ZNF618: variants seen among roughly 807,000 people sequenced by gnomAD.
ZNF618 encodes zinc finger protein 618.
Under a neutral mutation model 103.0 loss-of-function variants are expected in ZNF618, and 34 were observed. The observed-to-expected ratio is 0.33, with a 90% CI of 0.25 to 0.44. The LOEUF (loss-of-function observed/expected upper bound fraction) is 0.44. Ranked by LOEUF, ZNF618 falls within the 20% of genes least tolerant of loss-of-function variation. ZNF618 has a pLI of 1.00. For synonymous variants in ZNF618, 551 were observed against 542.2 expected (o/e 1.02, Z -0.23); for missense variants, 1,059 against 1,295.4 (o/e 0.82, Z 2.80).
chr9:113,982,925 C>T (rs1425789368), intron 2 of ZNF618, among the ~76,000 whole-genome samples: 1 of 152,164 alleles, frequency 6.6e-6, no homozygotes, highest in African/African-American at 2.4e-5. Context: ...AACCGGTGAC[C>T]ACGGATAGCA....
At chr9:113,993,562 A>G (rs1263863857) in intron 3 of ZNF618, among the ~76,000 whole-genome samples, 1 of 152,094 alleles carries the variant, frequency 6.6e-6, no homozygotes, top group Non-Finnish European at 1.5e-5. Context: ...AGCAGTGGGT[A>G]CTCTTTCCTA....
chr9:113,941,577 C>G (rs1286107950), intron 1 of ZNF618, among the ~76,000 whole-genome samples: 1 of 152,144 alleles, frequency 6.6e-6, no homozygotes, highest in Non-Finnish European at 1.5e-5. Flanking sequence ...CATTTGAATT[C>G]TAGATCCAGA....
At chr9:113,964,171 C>T (rs529367844) in intron 1 of ZNF618, among the ~76,000 whole-genome samples, 70 of 152,292 alleles carry the variant, frequency 4.6e-4, no homozygotes, top group Non-Finnish European at 9.4e-4. Context: ...TCTAACCTCA[C>T]AGAGCTAGGG....
intron 2 of ZNF618, among the ~76,000 whole-genome samples, chr9:113,970,551 A>G (rs899556475): frequency 6.6e-6 from 1 of 152,100 alleles, no homozygotes; most frequent in Non-Finnish European, 1.5e-5. Context: ...AAATTTGCCC[A>G]TAAATGGCCA....
At chr9:113,949,871 G>A (rs932434105) in intron 1 of ZNF618, among the ~76,000 whole-genome samples, 3 of 152,204 alleles carry the variant, frequency 2.0e-5, no homozygotes, top group South Asian at 2.1e-4. Flanking sequence ...TGGTAGCGCC[G>A]TTCCCTGCCC....
At chr9:113,914,148 G>C (rs1036342915) in intron 1 of ZNF618, among the ~76,000 whole-genome samples, 2 of 152,160 alleles carry the variant, frequency 1.3e-5, no homozygotes, top group Non-Finnish European at 2.9e-5. Flanking sequence ...CCCCAGGAGA[G>C]AGCTGCTTTT....
At chr9:114,041,202 G>A (rs896667133) in intron 13 of ZNF618, among the ~76,000 whole-genome samples, 1 of 151,778 alleles carries the variant, frequency 6.6e-6, no homozygotes, top group African/African-American at 2.4e-5. Flanking sequence ...AAGTTTGTTT[G>A]AGTTCTTTGT....
intron 2 of ZNF618, 106 bp downstream of exon 2, chr9:113,969,266 G>C: frequency 7.2e-7 from 1 of 1,395,034 alleles, no homozygotes; most frequent in Non-Finnish European, 1.0e-6. Flanking sequence ...AGGATGGGTG[G>C]TCCAGGCCAG....
At chr9:114,018,028 C>T (rs1043414819) in intron 10 of ZNF618, among the ~76,000 whole-genome samples, 2 of 152,186 alleles carry the variant, frequency 1.3e-5, no homozygotes, top group Non-Finnish European at 2.9e-5. Flanking sequence ...TGTTGCTTTC[C>T]TTCTCTGGGC....
chr9:113,897,511 G>A (rs1259158975), intron 1 of ZNF618, among the ~76,000 whole-genome samples: 1 of 152,096 alleles, frequency 6.6e-6, no homozygotes, highest in African/African-American at 2.4e-5. Context: ...AACATGGCAT[G>A]TACTTTCAGT....
chr9:113,900,281 C>G (rs796622519), intron 1 of ZNF618, among the ~76,000 whole-genome samples: 1 of 152,056 alleles, frequency 6.6e-6, no homozygotes, highest in Non-Finnish European at 1.5e-5. Context: ...AGGCTGCTCT[C>G]GAACTCCTGA....
At chr9:113,897,449 T>C (rs975799099) in intron 1 of ZNF618, among the ~76,000 whole-genome samples, 5 of 152,222 alleles carry the variant, frequency 3.3e-5, no homozygotes, top group Admixed American at 6.5e-5. Context: ...CCCTTGAAAT[T>C]TGAGGCTTAT....
intron 4 of ZNF618, among the ~76,000 whole-genome samples, chr9:114,000,181 C>T (rs1841039944): frequency 6.6e-6 from 1 of 152,124 alleles, no homozygotes; most frequent in Non-Finnish European, 1.5e-5. Flanking sequence ...CACAGTAGTA[C>T]CAGTGGCACC....
At chr9:113,907,914 T>C (rs2131373989) in intron 1 of ZNF618, among the ~76,000 whole-genome samples, 1 of 152,338 alleles carries the variant, frequency 6.6e-6, no homozygotes, top group East Asian at 1.9e-4. Flanking sequence ...CATGGGGGTG[T>C]CACTGTGAGA....
At chr9:113,901,833 C>T (rs911899539) in intron 1 of ZNF618, among the ~76,000 whole-genome samples, 4 of 152,060 alleles carry the variant, frequency 2.6e-5, no homozygotes, top group East Asian at 3.9e-4. Context: ...TCCTGTTCTC[C>T]GGACTATTTC....
rs1288810697 is a variant in ZNF618 at position 114,053,761 on chromosome 9, C to T, written c.*3594C>T. The stretch of plus-strand genomic sequence containing the variant: ...CCGATTCCTGGCTCAGCCAGCCAGG[C>T]CTCCCTCTAATGGCATTTAGTAACC... On this transcript the variant is annotated 3_prime_UTR_variant, in exon 15 of 15. Transcript: ENST00000374126. 6.6e-6 allele frequency: 1 copy of T among 152,254 alleles called. No homozygotes were observed. Among genetic ancestry groups the T allele is most frequent in the Non-Finnish European group, 1.5e-5 (1 of 68,104 alleles). 9.4% of individuals were successfully genotyped at this position (152,254 alleles called of 1,614,324 possible).
chr9:114,013,597 A>AT lies in ZNF618; in HGVS notation c.755-3091dup, dbSNP rs1473381847. Reference sequence around the variant, plus strand: ...AGGCGCCCGCCACCACGCCTGGCTAATTTTTTTATATTTTTAGTAGAGACG... The same window carrying AT: ...AGGCGCCCGCCACCACGCCTGGCTAATTTTTTTTATATTTTTAGTAGAGACG... On this transcript the variant is annotated intron_variant, in intron 9 of 14. Transcript: ENST00000374126. 5.3e-5 allele frequency among the ~76,000 whole-genome samples: 8 copies of AT among 151,992 alleles called. No homozygotes were observed. In the South Asian group the frequency reaches 8.4e-4, roughly 16 times the overall value.
intron 2 of ZNF618, among the ~76,000 whole-genome samples, chr9:113,981,359 A>G (rs1265280751): frequency 6.6e-6 from 1 of 152,166 alleles, no homozygotes; most frequent in African/African-American, 2.4e-5. Context: ...AAGGAGACAC[A>G]CATGTCTTGC....
chr9:113,923,706 C>T (rs995867476), intron 1 of ZNF618, among the ~76,000 whole-genome samples: 5 of 151,952 alleles, frequency 3.3e-5, no homozygotes, highest in African/African-American at 1.2e-4. Flanking sequence ...ATCATTTATC[C>T]ACCTTTGTTC....
Sources: gnomAD v4.1 joint callset for allele counts (sites outside exome capture counted in the v4.1 genomes callset) on GRCh38, gnomAD v4.1.1 for gene constraint, MANE v1.5 for transcripts, NCBI Gene and HGNC (gene_info 2026-07-23, HGNC 2026-07-21) for gene names.